Variants in PTK2B observed in about 807,000 individuals in gnomAD.
The protein encoded by PTK2B is protein tyrosine kinase 2 beta, also known as protein-tyrosine kinase 2-beta.
PTK2B carries 71 observed loss-of-function variants against 142.9 expected under a neutral mutation model. The ratio of observed to expected loss-of-function variants is 0.50; its 90% confidence interval spans 0.41 to 0.61. PTK2B has a LOEUF of 0.61. Ranked by LOEUF, PTK2B falls within the 20% of genes least tolerant of loss-of-function variation. The probability of loss-of-function intolerance (pLI) is 0.00; values close to 1 mark genes in which losing one functional copy is unlikely to be tolerated. For missense variants in PTK2B, 1,105 were observed against 1,320.4 expected (o/e 0.84, Z 2.53); for synonymous variants, 519 against 503.4 (o/e 1.03, Z -0.42).
At chr8:27,434,862 T>C (rs1810677199) in intron 13 of PTK2B, among the ~76,000 whole-genome samples, 2 of 152,124 alleles carry the variant, frequency 1.3e-5, no homozygotes, top group South Asian at 4.1e-4. Flanking sequence ...TGGATGGGCA[T>C]GGTGGCATGT....
At chr8:27,364,218 G>C (rs1805885708) in intron 1 of PTK2B, among the ~76,000 whole-genome samples, 1 of 152,234 alleles carries the variant, frequency 6.6e-6, no homozygotes, top group African/African-American at 2.4e-5. Flanking sequence ...ACCAGAGGCT[G>C]TAAGCTGCCT....
chr8:27,453,303 G>T, intron 28 of PTK2B, 143 bp downstream of exon 28: 2 of 1,119,042 alleles, frequency 1.8e-6, no homozygotes, highest in East Asian at 2.5e-5. Flanking sequence ...GGGTTAGGGG[G>T]CGGGTGGCGG....
chr8:27,413,323 C>T (rs1408861790), intron 2 of PTK2B, among the ~76,000 whole-genome samples: 4 of 152,240 alleles, frequency 2.6e-5, no homozygotes, highest in Non-Finnish European at 2.9e-5. Flanking sequence ...AGGAAGTCAG[C>T]GTTGCTATAA....
intron 9 of PTK2B, 91 bp from the exon 10 acceptor site, chr8:27,432,169 C>A: frequency 1.8e-6 from 2 of 1,086,762 alleles, no homozygotes; most frequent in Non-Finnish European, 2.7e-6. Context: ...ACTCCCAGTT[C>A]CTCCTCACCC....
At chr8:27,392,413 A>G (rs1175740955) in intron 1 of PTK2B, among the ~76,000 whole-genome samples, 2 of 152,018 alleles carry the variant, frequency 1.3e-5, no homozygotes, top group African/African-American at 2.4e-5. Flanking sequence ...GAAAATAGTC[A>G]TGATGATAGA....
chr8:27,322,040 A>G (rs970238910), upstream of PTK2B, among the ~76,000 whole-genome samples: 1 of 151,338 alleles, frequency 6.6e-6, no homozygotes, highest in Admixed American at 6.6e-5. Context: ...CCCAGGCTGG[A>G]GTGCAGTGGC....
intron 1 of PTK2B, among the ~76,000 whole-genome samples, chr8:27,377,048 G>C (rs749624522): frequency 6.6e-6 from 1 of 152,186 alleles, no homozygotes; most frequent in African/African-American, 2.4e-5. Context: ...GCTGTGCAAA[G>C]TGGGAGTGAG....
intron 1 of PTK2B, among the ~76,000 whole-genome samples, chr8:27,329,204 A>G (rs7820464): frequency 0.27 from 40,593 of 151,998 alleles, 5,697 homozygotes; most frequent in Middle Eastern, 0.46. Context: ...CCAAAGTGCT[A>G]GGATTACAGG....
chr8:27,440,509 CAG>C (rs898227156), intron 21 of PTK2B, 68 bp downstream of exon 21: 15 of 1,540,578 alleles, frequency 9.7e-6, no homozygotes, highest in Non-Finnish European at 1.3e-5. Flanking sequence ...GACCAGCACA[CAG>C]AGAGGTTTGC....
At chr8:27,388,803 C>A (rs1379147357) in intron 1 of PTK2B, among the ~76,000 whole-genome samples, 2 of 152,232 alleles carry the variant, frequency 1.3e-5, no homozygotes, top group Admixed American at 6.5e-5. Context: ...CACTTATTCT[C>A]GCTGCCCCTG....
chr8:27,440,179 T>C (rs2241657), intron 20 of PTK2B, 58 bp from the exon 21 acceptor site: 1,319,721 of 1,545,542 alleles, frequency 0.85, 566,233 homozygotes, highest in Middle Eastern at 0.93. Flanking sequence ...CGATGGTGCT[T>C]CTGGGTGGGA....
upstream of PTK2B, among the ~76,000 whole-genome samples, chr8:27,321,510 T>A (rs990372649): frequency 2.0e-5 from 3 of 152,216 alleles, no homozygotes; most frequent in Non-Finnish European, 4.4e-5. Flanking sequence ...AGGGTAAGCA[T>A]GGTGGCTGGA....
At chr8:27,356,693 T>C (rs1805410269) in intron 1 of PTK2B, among the ~76,000 whole-genome samples, 1 of 152,230 alleles carries the variant, frequency 6.6e-6, no homozygotes, top group African/African-American at 2.4e-5. Context: ...AATGGGAGAC[T>C]AGTATATTCA....
At chr8:27,319,170 G>A (rs548735182) in intron 3 of PTK2B, among the ~76,000 whole-genome samples, 3 of 151,922 alleles carry the variant, frequency 2.0e-5, no homozygotes, top group African/African-American at 7.2e-5. Context: ...AGTTTCAAAT[G>A]CACTCAATAT....
chr8:27,365,713 T>A (rs1370477662), intron 1 of PTK2B, among the ~76,000 whole-genome samples: 1 of 152,140 alleles, frequency 6.6e-6, no homozygotes, highest in African/African-American at 2.4e-5. Context: ...ACCCCAAAGA[T>A]ATTTATTATT....
rs1810619568 is a variant in PTK2B, at chr8:27,434,100, G to A, written c.1113G>A (p.Glu371=). 1.9e-6 allele frequency: 3 copies of A among 1,613,978 alleles called. No homozygotes were observed. The highest frequency in any genetic ancestry group is 2.5e-6 in the Non-Finnish European group (3 of 1,179,990). ...SLIIHPRKDG[E]KRNSLPQIPM... ...TTCCTCCTCTCTTCCTAGATGGTGA[G>A]AAGCGGAACAGCCTGCCCCAGATCC... is the stretch of plus-strand genomic sequence containing the variant. The change falls in exon 12 of 31, where the codon GAG becomes GAA. Residue 371 remains glutamate, a synonymous_variant. Coordinates refer to ENST00000346049, the MANE Select transcript of PTK2B (RefSeq NM_173176.3).
At chr8:27,431,319 C>T (rs1810405970) in intron 8 of PTK2B, 79 bp from the exon 9 acceptor site, 1 of 1,602,968 alleles carries the variant, frequency 6.2e-7, no homozygotes, top group Non-Finnish European at 8.5e-7. Context: ...TTGTGTCTAG[C>T]TTAGGGAGCT....
chr8:27,439,244 A>G (rs1810998344), intron 19 of PTK2B, 65 bp from the exon 20 acceptor site: 1 of 1,561,074 alleles, frequency 6.4e-7, no homozygotes, highest in Non-Finnish European at 8.8e-7. Context: ...TTCAGAAAGT[A>G]GGATGTATTT....
chr8:27,311,107 C>G (rs1191164903), upstream of PTK2B: 2 of 1,599,138 alleles, frequency 1.3e-6, no homozygotes, highest in African/African-American at 1.3e-5. Context: ...GGCTCACGCA[C>G]CCGCGGCAGA....
Sources: allele counts gnomAD v4.1 joint callset (sites outside exome capture counted in the v4.1 genomes callset), GRCh38; gene constraint gnomAD v4.1.1; transcripts MANE v1.5; gene names NCBI Gene and HGNC (gene_info 2026-07-23, HGNC 2026-07-21).